MTUS2: variants seen among roughly 807,000 people sequenced by gnomAD.
MTUS2 encodes microtubule-associated tumor suppressor candidate 2.
MTUS2 carries 40 observed loss-of-function variants against 114.1 expected under a neutral mutation model. That is an observed-to-expected ratio of 0.35 (90% CI 0.27 to 0.46). The LOEUF (loss-of-function observed/expected upper bound fraction) is 0.46, where lower values mean the gene tolerates loss of function less well. Among genes scored for constraint, MTUS2 ranks in the 20% least tolerant of loss-of-function variants. The probability of loss-of-function intolerance (pLI) is 1.00; values close to 1 mark genes in which losing one functional copy is unlikely to be tolerated. For synonymous variants in MTUS2, 688 were observed against 672.0 expected (o/e 1.02, Z -0.37); for missense variants, 1,679 against 1,705.4 (o/e 0.98, Z 0.27).
intron 4 of MTUS2, among the ~76,000 whole-genome samples, chr13:29,098,990 C>A (rs958271255): frequency 6.6e-6 from 1 of 152,144 alleles, no homozygotes; most frequent in Non-Finnish European, 1.5e-5. Context: ...GAAATTACAT[C>A]TGATGTTTAG....
At chr13:29,409,626 G>T (rs1875063904) in intron 8 of MTUS2, among the ~76,000 whole-genome samples, 1 of 152,056 alleles carries the variant, frequency 6.6e-6, no homozygotes, top group African/African-American at 2.4e-5. Context: ...GGATTAGCTG[G>T]TCTATCACCC....
chr13:28,945,016 C>T (rs574237882), intron 2 of MTUS2, among the ~76,000 whole-genome samples: 1 of 152,260 alleles, frequency 6.6e-6, no homozygotes, highest in Non-Finnish European at 1.5e-5. Flanking sequence ...TCTATCATTC[C>T]ACACTCTGTG....
intron 4 of MTUS2, among the ~76,000 whole-genome samples, chr13:29,070,552 A>T: frequency 6.6e-6 from 1 of 151,704 alleles, no homozygotes; most frequent in Admixed American, 6.6e-5. Flanking sequence ...AAGCTTTAGA[A>T]TCTTCTCTCA....
chr13:29,341,720 G>T (rs1224573450), intron 7 of MTUS2, among the ~76,000 whole-genome samples: 2 of 152,112 alleles, frequency 1.3e-5, no homozygotes, highest in Non-Finnish European at 2.9e-5. Flanking sequence ...CCTTGCCAAA[G>T]CCAGTGTCTA....
At chr13:29,099,315 C>CT (rs1890311480) in intron 4 of MTUS2, among the ~76,000 whole-genome samples, 1 of 152,180 alleles carries the variant, frequency 6.6e-6, no homozygotes, top group African/African-American at 2.4e-5. Flanking sequence ...CTCTTTGCTT[C>CT]TTTTTCCTTT....
At chr13:28,840,406 G>T (rs2137984154) in intron 2 of MTUS2, among the ~76,000 whole-genome samples, 1 of 152,314 alleles carries the variant, frequency 6.6e-6, no homozygotes, top group South Asian at 2.1e-4. Flanking sequence ...GCTGCTGCTA[G>T]CCCATATGAC....
intron 4 of MTUS2, among the ~76,000 whole-genome samples, chr13:29,049,986 C>T (rs760645254): frequency 1.4e-4 from 22 of 152,134 alleles, no homozygotes; most frequent in Non-Finnish European, 1.5e-5. Context: ...GCGAGATTTC[C>T]CGCCAACATG....
intron 8 of MTUS2, among the ~76,000 whole-genome samples, chr13:29,436,155 T>A (rs562319754): frequency 1.4e-4 from 21 of 152,254 alleles, no homozygotes; most frequent in African/African-American, 4.3e-4. Flanking sequence ...CATGAAAAGC[T>A]TCATGGTAAT....
chr13:29,189,111 G>T (rs1252331945), intron 5 of MTUS2, among the ~76,000 whole-genome samples: 1 of 152,182 alleles, frequency 6.6e-6, no homozygotes, highest in Non-Finnish European at 1.5e-5. Flanking sequence ...AGTGTTCCTA[G>T]AATTGCCAGA....
chr13:29,035,108 A>G (rs995367738), intron 4 of MTUS2, among the ~76,000 whole-genome samples: 6 of 152,174 alleles, frequency 3.9e-5, no homozygotes, highest in Admixed American at 2.0e-4. Flanking sequence ...ACATTTTTGT[A>G]ATAAGGGTGT....
chr13:29,477,555 A>G (rs928194357), intron 9 of MTUS2, among the ~76,000 whole-genome samples: 1 of 152,150 alleles, frequency 6.6e-6, no homozygotes, highest in Non-Finnish European at 1.5e-5. Flanking sequence ...TGTAGCCTCC[A>G]GTGATCAGAG....
At chr13:29,253,856 G>A (rs1219851797) in intron 5 of MTUS2, among the ~76,000 whole-genome samples, 2 of 152,150 alleles carry the variant, frequency 1.3e-5, no homozygotes, top group Non-Finnish European at 2.9e-5. Flanking sequence ...TTGTGCAGGG[G>A]AGCTCCTCTT....
At chr13:29,208,314 T>G (rs1479267875) in intron 5 of MTUS2, among the ~76,000 whole-genome samples, 2 of 152,070 alleles carry the variant, frequency 1.3e-5, no homozygotes, top group Non-Finnish European at 2.9e-5. Flanking sequence ...ATTTGGATCT[T>G]TTCTCTTCTT....
chr13:29,285,310 C>T (rs928442133), intron 6 of MTUS2, among the ~76,000 whole-genome samples: 5 of 152,078 alleles, frequency 3.3e-5, no homozygotes, highest in African/African-American at 1.2e-4. Context: ...ATTTCTCCTA[C>T]TCAGTCTGTA....
chr13:28,851,584 A>T (rs1186489291), intron 2 of MTUS2, among the ~76,000 whole-genome samples: 1 of 152,246 alleles, frequency 6.6e-6, no homozygotes, highest in African/African-American at 2.4e-5. Flanking sequence ...AATATAGATG[A>T]GTATAGATCC....
chr13:28,981,976 C>G (rs777026139), intron 2 of MTUS2, among the ~76,000 whole-genome samples: 1 of 152,086 alleles, frequency 6.6e-6, no homozygotes. Context: ...TCTTGAATGC[C>G]CTAGGGATTC....
At chr13:29,031,744 T>G (rs1339209906) in intron 3 of MTUS2, among the ~76,000 whole-genome samples, 1 of 151,850 alleles carries the variant, frequency 6.6e-6, no homozygotes, top group African/African-American at 2.4e-5. Context: ...TGACCAAATA[T>G]CTGGGTATTG....
intron 5 of MTUS2, among the ~76,000 whole-genome samples, chr13:29,166,944 A>C (rs1893340495): frequency 1.3e-5 from 2 of 152,234 alleles, no homozygotes; most frequent in African/African-American, 4.8e-5. Context: ...ATAATGTAGT[A>C]TCTGTGGCTG....
At chr13:28,931,125 T>C (rs942423145) in intron 2 of MTUS2, among the ~76,000 whole-genome samples, 1 of 152,218 alleles carries the variant, frequency 6.6e-6, no homozygotes, top group African/African-American at 2.4e-5. Flanking sequence ...TCACGCTCAT[T>C]GGAGCACACT....
Sources: gnomAD v4.1 joint callset for allele counts (sites outside exome capture counted in the v4.1 genomes callset) on GRCh38, gnomAD v4.1.1 for gene constraint, MANE v1.5 for transcripts, NCBI Gene and HGNC (gene_info 2026-07-23, HGNC 2026-07-21) for gene names.